The following WDR70 variants were observed in gnomAD, a reference collection of about 807,000 sequenced individuals.
WDR70 encodes the protein WD repeat-containing protein 70.
Under a neutral mutation model 88.6 loss-of-function variants are expected in WDR70, and 53 were observed. The ratio of observed to expected loss-of-function variants is 0.60; its 90% CI spans 0.48 to 0.75. WDR70 has a LOEUF of 0.75. WDR70 is among the 30% of genes least tolerant of loss of function. The pLI is 0.00. For synonymous variants in WDR70, 280 were observed against 270.0 expected, an observed-to-expected ratio of 1.04 and a Z score of -0.36; for missense variants, 610 against 823.2, an observed-to-expected ratio of 0.74 and a Z score of 3.17.
intron 9 of WDR70, among the ~76,000 whole-genome samples, chr5:37,535,190 CGTAGA>C (rs1741628164): frequency 6.6e-6 from 1 of 150,540 alleles, no homozygotes; most frequent in Non-Finnish European, 1.5e-5. Flanking sequence ...GTCTACTGCA[CGTAGA>C]GTAGTCAGAG....
chr5:37,500,076 T>A (rs1488393263), intron 8 of WDR70, among the ~76,000 whole-genome samples: 1 of 152,142 alleles, frequency 6.6e-6, no homozygotes, highest in Non-Finnish European at 1.5e-5. Flanking sequence ...CAATATGTAG[T>A]TTTTTTATCC....
intron 8 of WDR70, among the ~76,000 whole-genome samples, chr5:37,484,108 C>T (rs1455350398): frequency 4.3e-4 from 65 of 150,648 alleles, no homozygotes; most frequent in African/African-American, 1.2e-3. Context: ...ACATCCCAGA[C>T]GATGGGCGGC....
chr5:37,512,497 G>A lies in WDR70; in HGVS notation c.841-4017G>A, dbSNP rs752948566. Among the ~76,000 whole-genome samples the A allele has an allele frequency of 3.3e-5, 5 of 152,072 alleles. No homozygotes were observed. The South Asian group carries it at 1.0e-3, about 32-fold the overall frequency. On this transcript the variant is annotated intron_variant, in intron 8 of 17. Transcript: ENST00000265107. The stretch of plus-strand genomic sequence containing the variant: ...GCCTCCCAAAGTGTTGAGATTACAG[G>A]TGTGAGCCACCACGCCCAGCCCTCT...
At chr5:37,665,934 A>C (rs1745827769) in intron 10 of WDR70, among the ~76,000 whole-genome samples, 1 of 151,150 alleles carries the variant, frequency 6.6e-6, no homozygotes, top group South Asian at 2.1e-4. Context: ...CTTCCTTACC[A>C]CCTCTCTATC....
chr5:37,482,689 T>G (rs10461982), intron 8 of WDR70, among the ~76,000 whole-genome samples: 40,087 of 152,004 alleles, frequency 0.26, 5,823 homozygotes, highest in East Asian at 0.48. Flanking sequence ...GGAAATTAAT[T>G]AAGTACCTTA....
intron 7 of WDR70, among the ~76,000 whole-genome samples, chr5:37,445,774 T>C (rs1449586299): frequency 6.6e-6 from 1 of 152,196 alleles, no homozygotes; most frequent in Non-Finnish European, 1.5e-5. Flanking sequence ...AAATTAGGTA[T>C]TGATGGGACA....
intron 13 of WDR70, among the ~76,000 whole-genome samples, chr5:37,713,007 A>T (rs1292003477): frequency 6.6e-6 from 1 of 152,176 alleles, no homozygotes; most frequent in Admixed American, 6.5e-5. Context: ...CTCTCTTAAA[A>T]TAATAACTTT....
intron 7 of WDR70, among the ~76,000 whole-genome samples, chr5:37,464,270 T>C (rs1352830954): frequency 6.6e-6 from 1 of 152,232 alleles, no homozygotes; most frequent in Non-Finnish European, 1.5e-5. Context: ...CCATTCTTTC[T>C]TTAGAGACTT....
chr5:37,563,801 T>G (rs1391905673), intron 9 of WDR70, among the ~76,000 whole-genome samples: 1 of 129,142 alleles, frequency 7.7e-6, no homozygotes, highest in South Asian at 3.0e-4. Context: ...GGCTCCTCAC[T>G]TCTCAGACGG....
At chr5:37,515,356 C>G (rs964134635) in intron 8 of WDR70, among the ~76,000 whole-genome samples, 1 of 152,144 alleles carries the variant, frequency 6.6e-6, no homozygotes, top group Non-Finnish European at 1.5e-5. Flanking sequence ...TTCCCTGTAC[C>G]TGTTGTGTTC....
chr5:37,549,539 G>T (rs1185760761), intron 9 of WDR70, among the ~76,000 whole-genome samples: 1 of 152,086 alleles, frequency 6.6e-6, no homozygotes, highest in Non-Finnish European at 1.5e-5. Context: ...TTTTGGTAGA[G>T]TCTTTAGACT....
intron 13 of WDR70, among the ~76,000 whole-genome samples, chr5:37,705,734 A>G (rs991794487): frequency 5.9e-5 from 9 of 152,202 alleles, no homozygotes; most frequent in Non-Finnish European, 1.2e-4. Context: ...TGTGTTGGAA[A>G]TACCACACTC....
chr5:37,721,084 T>C, intron 13 of WDR70, 31 bp from the exon 14 acceptor site: 3 of 1,604,448 alleles, frequency 1.9e-6, no homozygotes, highest in Non-Finnish European at 2.6e-6. Context: ...ATCTGGCCTC[T>C]TTAGTCAACC....
At chr5:37,667,701 C>G (rs184297217) in intron 10 of WDR70, among the ~76,000 whole-genome samples, 133 of 152,092 alleles carry the variant, frequency 8.7e-4, no homozygotes, top group Non-Finnish European at 1.8e-3. Flanking sequence ...ACAGTTGCAA[C>G]AGAGTCTGTA....
intron 10 of WDR70, among the ~76,000 whole-genome samples, chr5:37,655,737 A>G (rs1482728262): frequency 6.6e-6 from 1 of 151,518 alleles, no homozygotes; most frequent in African/African-American, 2.4e-5. Context: ...TCAGCTATTT[A>G]TACTTGTGTA....
At chr5:37,379,922 A>G (rs1748372795) in intron 2 of WDR70, among the ~76,000 whole-genome samples, 1 of 152,202 alleles carries the variant, frequency 6.6e-6, no homozygotes, top group African/African-American at 2.4e-5. Context: ...TAAATACTTA[A>G]AAAGCTGAAA....
At chr5:37,497,513 T>TCTTCCCTTCC (rs140851585) in intron 8 of WDR70, among the ~76,000 whole-genome samples, 2 of 143,416 alleles carry the variant, frequency 1.4e-5, no homozygotes, top group African/African-American at 5.2e-5. Flanking sequence ...GTCTCTTCCC[T>TCTTCCCTTCC]CTTCCCTTCC....
At chr5:37,508,601 T>C (rs1385994798) in intron 8 of WDR70, among the ~76,000 whole-genome samples, 1 of 152,230 alleles carries the variant, frequency 6.6e-6, no homozygotes, top group Admixed American at 6.5e-5. Context: ...GTTAATTACA[T>C]TGATTTTTGA....
intron 9 of WDR70, among the ~76,000 whole-genome samples, chr5:37,602,315 C>T (rs189123773): frequency 1.4e-5 from 2 of 144,570 alleles, no homozygotes; most frequent in Non-Finnish European, 3.1e-5. Flanking sequence ...GATCAGTACA[C>T]TGAAAACTAT....
Sources: allele counts gnomAD v4.1 joint callset (sites outside exome capture counted in the v4.1 genomes callset), GRCh38; gene constraint gnomAD v4.1.1; transcripts MANE v1.5; gene names NCBI Gene and HGNC (gene_info 2026-07-23, HGNC 2026-07-21).